SULF1: variants seen among roughly 807,000 people sequenced by gnomAD.
SULF1 encodes sulfatase 1.
In SULF1, 46 loss-of-function variants were observed where a neutral mutation model predicts 110.5. The observed-to-expected ratio is 0.42, with a 90% CI of 0.33 to 0.53. The LOEUF (loss-of-function observed/expected upper bound fraction) is 0.53. Among genes scored for constraint, SULF1 ranks in the 20% least tolerant of loss-of-function variants. The probability of loss-of-function intolerance (pLI) is 0.12; values close to 1 mark genes in which losing one functional copy is unlikely to be tolerated. For synonymous variants in SULF1, 371 were observed against 387.1 expected (o/e 0.96, Z 0.49); for missense variants, 941 against 1,094.2 (o/e 0.86, Z 1.98).
intron 3 of SULF1, among the ~76,000 whole-genome samples, chr8:69,517,093 G>T (rs931814591): frequency 6.6e-6 from 1 of 152,194 alleles, no homozygotes; most frequent in African/African-American, 2.4e-5. Context: ...AGGCTGGGAA[G>T]TCCAAGAGCA....
At chr8:69,608,420 C>G (rs531768370) in intron 13 of SULF1, among the ~76,000 whole-genome samples, 75 of 152,212 alleles carry the variant, frequency 4.9e-4, no homozygotes, top group Non-Finnish European at 9.3e-4. Flanking sequence ...TGGCTGATGC[C>G]TATAATCCCA....
At chr8:69,600,842 C>T in intron 9 of SULF1, 89 bp downstream of exon 9, 2 of 1,359,358 alleles carry the variant, frequency 1.5e-6, no homozygotes, top group Non-Finnish European at 2.0e-6. Flanking sequence ...GGTTTTTTCC[C>T]CTTCATTTTC....
At chr8:69,577,559 A>G (rs1040960994) in intron 6 of SULF1, among the ~76,000 whole-genome samples, 1 of 152,216 alleles carries the variant, frequency 6.6e-6, no homozygotes, top group African/African-American at 2.4e-5. Context: ...GGACTCTCAC[A>G]TATCCAGAGT....
chr8:69,587,165 T>C (rs567975383), intron 7 of SULF1, among the ~76,000 whole-genome samples: 1 of 152,356 alleles, frequency 6.6e-6, no homozygotes, highest in South Asian at 2.1e-4. Flanking sequence ...TTGTGATAGC[T>C]GACTTAAGTT....
intron 13 of SULF1, among the ~76,000 whole-genome samples, chr8:69,617,227 G>A (rs896992335): frequency 6.6e-6 from 1 of 151,342 alleles, no homozygotes. Flanking sequence ...GCAGTAGCAT[G>A]ATGGCATGAT....
intron 22 of SULF1, among the ~76,000 whole-genome samples, chr8:69,641,569 AT>A (rs2130689323): frequency 6.6e-6 from 1 of 152,066 alleles, no homozygotes; most frequent in Non-Finnish European, 1.5e-5. Context: ...ACAAAGTGAG[AT>A]AAAAAAAAAT....
chr8:69,536,759 G>C (rs1813451958), intron 3 of SULF1, among the ~76,000 whole-genome samples: 1 of 152,132 alleles, frequency 6.6e-6, no homozygotes, highest in Admixed American at 6.5e-5. Context: ...GGTAGACATA[G>C]CTGCTATTTT....
At chr8:69,539,896 C>G (rs1813748804) in intron 3 of SULF1, among the ~76,000 whole-genome samples, 1 of 152,090 alleles carries the variant, frequency 6.6e-6, no homozygotes, top group Non-Finnish European at 1.5e-5. Flanking sequence ...TTGTGGGGAA[C>G]AGGGAAAAGA....
chr8:69,476,490 A>G (rs193151619), intron 1 of SULF1, among the ~76,000 whole-genome samples: 83 of 152,340 alleles, frequency 5.4e-4, no homozygotes, highest in Admixed American at 2.4e-3. Context: ...GACTGAAAGA[A>G]TACAGAGCTT....
chr8:69,616,289 G>A (rs921167208), intron 13 of SULF1, among the ~76,000 whole-genome samples: 6 of 150,468 alleles, frequency 4.0e-5, no homozygotes, highest in Non-Finnish European at 7.4e-5. Flanking sequence ...GCTCAATCTC[G>A]GGTCACTGCA....
At chr8:69,586,795 C>G (rs560879955) in intron 7 of SULF1, among the ~76,000 whole-genome samples, 1 of 152,260 alleles carries the variant, frequency 6.6e-6, no homozygotes, top group East Asian at 1.9e-4. Context: ...TTTGTCCTCC[C>G]AGTTCCCCCG....
chr8:69,524,386 G>T (rs1246280061), intron 3 of SULF1, among the ~76,000 whole-genome samples: 2 of 152,122 alleles, frequency 1.3e-5, no homozygotes, highest in Non-Finnish European at 2.9e-5. Flanking sequence ...GGAAAGCAAA[G>T]AGGGAGCAAG....
At chr8:69,517,892 G>A (rs1812044417) in intron 3 of SULF1, among the ~76,000 whole-genome samples, 1 of 152,064 alleles carries the variant, frequency 6.6e-6, no homozygotes, top group South Asian at 2.1e-4. Flanking sequence ...CCAAGTGATT[G>A]GCAGAAGGAA....
chr8:69,469,326 A>G (rs2099800), intron 1 of SULF1: 24,620 of 152,190 alleles, frequency 0.16, 2,693 homozygotes, highest in East Asian at 0.49. Flanking sequence ...AGCACACGGG[A>G]TATCCCTTCC....
intron 3 of SULF1, among the ~76,000 whole-genome samples, chr8:69,554,121 A>T (rs1239293963): frequency 6.6e-6 from 1 of 152,230 alleles, no homozygotes; most frequent in African/African-American, 2.4e-5. Flanking sequence ...CAGTTTAATT[A>T]TATCAGCTCC....
At chr8:69,549,797 G>A (rs1204869814) in intron 3 of SULF1, among the ~76,000 whole-genome samples, 5 of 151,998 alleles carry the variant, frequency 3.3e-5, no homozygotes, top group Admixed American at 3.3e-4. Flanking sequence ...AAGTTGTCTC[G>A]CGACTCCACA....
chr8:69,483,353 C>T (rs1018365781), intron 1 of SULF1, among the ~76,000 whole-genome samples: 1 of 152,110 alleles, frequency 6.6e-6, no homozygotes, highest in African/African-American at 2.4e-5. Context: ...ATTTGGTCTT[C>T]ATAATGCTTC....
In SULF1 at chr8:69,613,034, A is replaced by G. The variant is rs144142771; in HGVS notation, c.1378-8001A>G. Among the ~76,000 whole-genome samples the G allele has an allele frequency of 3.1e-4, 47 of 152,178 alleles. 1 individual carries two copies. In the East Asian group the frequency reaches 8.5e-3, roughly 28 times the overall value. On this transcript the variant is annotated intron_variant, in intron 13 of 22. Transcript: ENST00000402687. ...TCCATCTTGAGTTGATTTTTGTGTA[A>G]CGTGAGAGATAGGAATCCAGTTTCA...
At chr8:69,491,024 G>T (rs1809915028), upstream of SULF1, among the ~76,000 whole-genome samples, 1 of 152,092 alleles carries the variant, frequency 6.6e-6, no homozygotes, top group Non-Finnish European at 1.5e-5. Context: ...TTTAAAACCT[G>T]AATTGGTTTT....
Sources: gnomAD v4.1 joint callset for allele counts (sites outside exome capture counted in the v4.1 genomes callset) on GRCh38, gnomAD v4.1.1 for gene constraint, MANE v1.5 for transcripts, NCBI Gene and HGNC (gene_info 2026-07-23, HGNC 2026-07-21) for gene names.